The following LRRC57 variants were observed in gnomAD, a reference collection of about 807,000 sequenced individuals.
LRRC57 encodes leucine-rich repeat-containing protein 57.
In LRRC57, 14 loss-of-function variants were observed where a neutral mutation model predicts 23.1. The ratio of observed to expected loss-of-function variants is 0.61; its 90% CI spans 0.40 to 0.95. The LOEUF (loss-of-function observed/expected upper bound fraction) is 0.95. LRRC57 is among the 40% of genes least tolerant of loss of function. The pLI, the probability that LRRC57 is intolerant of heterozygous loss-of-function variation, is 0.00. For missense variants in LRRC57, 236 were observed against 284.4 expected (o/e 0.83, Z 1.22); for synonymous variants, 106 against 115.2 (o/e 0.92, Z 0.51).
chr15:42,547,607 T>C (rs929188933), intron 3 of LRRC57, 78 bp from the exon 4 acceptor site: 4 of 1,321,936 alleles, frequency 3.0e-6, no homozygotes, highest in Non-Finnish European at 4.2e-6. Context: ...AAAGACTATA[T>C]GGCAGCCTGC....
At chr15:42,530,888 T>C in the LRRC57 span, among the ~76,000 whole-genome samples, 1 of 152,240 alleles carries the variant, frequency 6.6e-6, no homozygotes, top group Admixed American at 6.5e-5. Context: ...CTTTAAATGC[T>C]GCAGTCTGGG....
chr15:42,535,005 C>G (rs2057593252), downstream of LRRC57, among the ~76,000 whole-genome samples: 1 of 152,202 alleles, frequency 6.6e-6, no homozygotes, highest in South Asian at 2.1e-4. Flanking sequence ...AAGTCACCAG[C>G]TCTATTAGCC....
rs1014364180 is a variant in LRRC57 at position 42,545,241 on chromosome 15, T to C, written c.514A>G (p.Ile172Val). 6.3e-7 allele frequency: 1 copy of C among 1,584,998 alleles called. No individual in the cohort carries two copies. The highest frequency in any genetic ancestry group is 2.3e-5 in the East Asian group (1 of 44,196). ...ATTTTAAGGCGTGGACAGCAAGATA[T>C]CTTCACTGAGATCTGAGATATCTAT... Reference protein sequence around the residue: ...QNQISQISVKISCCPRLKILR... With the variant: ...QNQISQISVKVSCCPRLKILR... The change falls in exon 5 of 6, where the codon ATA becomes GTA. Residue 172 changes from isoleucine (I) to valine (V), a missense_variant. By Grantham distance (29) the Ile-to-Val change is conservative. Coordinates refer to ENST00000397130, the MANE Select transcript of LRRC57 (RefSeq NM_153260.3).
the LRRC57 span, chr15:42,529,876 T>C: frequency 6.4e-7 from 1 of 1,572,958 alleles, no homozygotes; most frequent in Non-Finnish European, 8.7e-7. Flanking sequence ...GTTTCAGTAA[T>C]AGACATCTGT....
chr15:42,533,136 T>C (rs1305886463), downstream of LRRC57: 5 of 152,250 alleles, frequency 3.3e-5, no homozygotes, highest in African/African-American at 1.2e-4. Context: ...TCAGCTCTCA[T>C]TTAACAAATT....
chr15:42,542,419 T>C lies in LRRC57; in HGVS notation c.*1664A>G, dbSNP rs1208163898. ...TCACATGAAGGCATTTCACTACTCATACAATCTGAACATAAGCATGAAACA... is the reference window on the plus strand; with the variant it reads ...TCACATGAAGGCATTTCACTACTCACACAATCTGAACATAAGCATGAAACA... On this transcript the variant is annotated 3_prime_UTR_variant, in exon 6 of 6. Coordinates refer to ENST00000397130, the MANE Select transcript of LRRC57 (RefSeq NM_153260.3). 6.6e-6 allele frequency: 1 copy of C among 152,254 alleles called. No homozygotes were observed. The highest frequency in any genetic ancestry group is 2.4e-5 in the African/African-American group (1 of 41,466). The allele number at this position is 152,254 out of a possible 1,614,324, so 9.4% of individuals were successfully genotyped here.
chr15:42,544,842 C>CTATA (rs143066320), intron 5 of LRRC57, among the ~76,000 whole-genome samples: 2 of 98,034 alleles, frequency 2.0e-5, no homozygotes, highest in Non-Finnish European at 3.8e-5. Flanking sequence ...CACACACACA[C>CTATA]TATATATATA....
chr15:42,534,131 GTTTT>G (rs1224643614), downstream of LRRC57, among the ~76,000 whole-genome samples: 1 of 152,034 alleles, frequency 6.6e-6, no homozygotes, highest in Non-Finnish European at 1.5e-5. Context: ...TTTTTTGTTT[GTTTT>G]GTTTTGTTTT....
the LRRC57 span, among the ~76,000 whole-genome samples, chr15:42,530,585 T>TA: frequency 6.6e-6 from 1 of 151,912 alleles, no homozygotes; most frequent in Non-Finnish European, 1.5e-5. Context: ...TCGACTCTAC[T>TA]AAAAAAATTT....
intron 1 of LRRC57, 22 bp downstream of exon 1, chr15:42,548,671 G>A (rs16973349): frequency 0.017 from 10,627 of 622,262 alleles, 733 homozygotes; most frequent in African/African-American, 0.16. Context: ...GCCTACGGAA[G>A]ATCAGGGAGC....
At chr15:42,544,842 C>CACTATATATATATATATATATA in intron 5 of LRRC57, among the ~76,000 whole-genome samples, 12 of 98,048 alleles carry the variant, frequency 1.2e-4, no homozygotes, top group African/African-American at 8.0e-4. Context: ...CACACACACA[C>CACTATATATATATATATATATA]TATATATATA....
At chr15:42,529,621 G>T in the LRRC57 span, 1 of 1,579,164 alleles carries the variant, frequency 6.3e-7, no homozygotes, top group East Asian at 2.2e-5. Context: ...AGTAAATCCA[G>T]ACTTTTATTT....
Position 42,543,639 on chromosome 15 carries a change from C to T in LRRC57, c.*444G>A, listed in dbSNP as rs1295360016. 3 of 156,122 alleles carry T rather than the reference C, an allele frequency of 1.9e-5. No individual in the cohort carries two copies. Among genetic ancestry groups the T allele is most frequent in the African/African-American group, 7.2e-5 (3 of 41,626 alleles). 9.7% of individuals were successfully genotyped at this position (156,122 alleles called of 1,614,324 possible). A position where few individuals can be genotyped will look rare whatever the true frequency, so the allele number is the denominator to read the frequency against. On this transcript the variant is annotated 3_prime_UTR_variant, in exon 6 of 6. Transcript: ENST00000397130. The stretch of plus-strand genomic sequence containing the variant: ...TCCATGCCAGCCTCTCACAAATTAT[C>T]TGAATTTCATAAAAATATGAAGTGT...
intron 1 of LRRC57, 69 bp downstream of exon 1, chr15:42,548,624 G>A (rs780091262): frequency 1.6e-6 from 1 of 643,606 alleles, no homozygotes; most frequent in Non-Finnish European, 2.7e-6. Context: ...AAGCCCTGCC[G>A]CCTTTGCAGC....
At position 42,548,685 on chromosome 15, in the gene LRRC57, G is replaced by A; in HGVS notation, c.-23+8C>T. ...AGCCTACGGAAGATCAGGGAGCCCC[G>A]GACTCGCCTCCCACCGCTCAGCTGC... On this transcript the variant is annotated splice_region_variant and intron_variant, in intron 1 of 5. Coordinates refer to ENST00000397130, the MANE Select transcript of LRRC57 (RefSeq NM_153260.3). 1.6e-6 allele frequency: 1 copy of A among 621,942 alleles called. No individual in the cohort carries two copies. 38.5% of individuals were successfully genotyped at this position (621,942 alleles called of 1,614,324 possible).
intron 4 of LRRC57, among the ~76,000 whole-genome samples, chr15:42,547,060 C>T (rs1336418312): frequency 6.6e-6 from 1 of 152,154 alleles, no homozygotes; most frequent in Admixed American, 6.6e-5. Context: ...AAAACACCTA[C>T]ACAACTAACA....
rs959654328 is a variant in LRRC57, at chr15:42,542,445, T to C, written c.*1638A>G. 11 of 152,312 alleles carry C rather than the reference T, an allele frequency of 7.2e-5. No homozygotes were observed. Among genetic ancestry groups the C allele is most frequent in the African/African-American group, 2.7e-4 (11 of 41,454 alleles). The allele number at this position is 152,312 out of a possible 1,614,324, so 9.4% of individuals were successfully genotyped here. A position where few individuals can be genotyped will look rare whatever the true frequency, so the allele number is the denominator to read the frequency against. On this transcript the variant is annotated 3_prime_UTR_variant, in exon 6 of 6. Coordinates refer to ENST00000397130, the MANE Select transcript of LRRC57 (RefSeq NM_153260.3). ...ACAATCTGAACATAAGCATGAAACA[T>C]GTCTTCCTAATCTATTTATAGGTTT...
chr15:42,529,660 G>C, the LRRC57 span: 13 of 1,610,508 alleles, frequency 8.1e-6, no homozygotes, highest in Middle Eastern at 1.7e-4. Context: ...GGAATTAACT[G>C]TCTTCTTGTG....
At chr15:42,545,360 T>C in intron 4 of LRRC57, 98 bp from the exon 5 acceptor site, 1 of 752,730 alleles carries the variant, frequency 1.3e-6, no homozygotes, top group African/African-American at 1.8e-5. Context: ...TACTTGACTA[T>C]TTGTTCTAGT....
Sources: gnomAD v4.1 joint callset for allele counts (sites outside exome capture counted in the v4.1 genomes callset) on GRCh38, gnomAD v4.1.1 for gene constraint, MANE v1.5 for transcripts, NCBI Gene and HGNC (gene_info 2026-07-23, HGNC 2026-07-21) for gene names.